Variants in ST7 observed in about 807,000 individuals in gnomAD.
The protein encoded by ST7 is suppressor of tumorigenicity 7 protein.
Under a neutral mutation model 78.7 loss-of-function variants are expected in ST7, and 28 were observed. That is an observed-to-expected ratio of 0.36 (90% CI 0.26 to 0.49). The LOEUF is 0.49. Ranked by LOEUF, ST7 falls within the 20% of genes least tolerant of loss-of-function variation. ST7 has a pLI of 0.99. For synonymous variants in ST7, 247 were observed against 249.6 expected (o/e 0.99, Z 0.10); for missense variants, 418 against 696.0 (o/e 0.60, Z 4.49).
At position 116,970,024 on chromosome 7, in the gene ST7, G is replaced by A. The variant is rs1323259305; in HGVS notation, c.151+16333G>A. On this transcript the variant is annotated intron_variant, in intron 1 of 15. Coordinates refer to ENST00000323984, the MANE Select transcript of ST7 (RefSeq NM_001369598.1). ...CAGGAGGCAGAGGTTGCAGTGAGCC[G>A]AGATCGCGCCATTGCACTCCAGCCT... 3.3e-5 allele frequency among the ~76,000 whole-genome samples: 5 copies of A among 152,112 alleles called. No individual in the cohort carries two copies. The East Asian group carries it at 7.7e-4, about 23-fold the overall frequency.
intron 1 of ST7, chr7:116,956,457 A>T (rs755370065): frequency 2.1e-6 from 1 of 471,058 alleles, no homozygotes; most frequent in Admixed American, 2.3e-5. Flanking sequence ...GATGAAGGCA[A>T]GTGTGTTCCT....
At chr7:117,096,193 C>A (rs1000780441) in intron 1 of ST7, among the ~76,000 whole-genome samples, 3 of 144,838 alleles carry the variant, frequency 2.1e-5, no homozygotes, top group African/African-American at 5.1e-5. Context: ...CATATGTTTT[C>A]AAAAATAATT....
chr7:117,023,435 A>G (rs531300270), intron 1 of ST7, among the ~76,000 whole-genome samples: 8 of 152,308 alleles, frequency 5.3e-5, no homozygotes, highest in African/African-American at 1.9e-4. Context: ...TGACTTAGTG[A>G]ATCTGAATCT....
intron 12 of ST7, among the ~76,000 whole-genome samples, chr7:117,202,804 G>T (rs539060200): frequency 3.3e-5 from 5 of 152,230 alleles, no homozygotes; most frequent in African/African-American, 1.2e-4. Context: ...ACCTCTCTTG[G>T]GTCCCTCCCT....
chr7:117,219,115 G>A lies in ST7; in HGVS notation c.1437G>A (p.Lys479=), dbSNP rs773363221. 1.2e-6 allele frequency: 2 copies of A among 1,613,518 alleles called. No individual in the cohort carries two copies. Among genetic ancestry groups the A allele is most frequent in the Non-Finnish European group, 1.7e-6 (2 of 1,179,798 alleles). Residue 479 remains lysine (K), a synonymous_variant, in exon 14 of 16, where the codon AAG becomes AAA. Coordinates refer to ENST00000323984, the MANE Select transcript of ST7 (RefSeq NM_001369598.1). This position sits in a 1 kb window ranked among gnomAD's most constrained non-coding sequence, Gnocchi z 5.1. ...GGATGATCCCTTATCCCTTGGAAAA[G>A]GGGCACCTATTTTATCCTTACCCAA... ...TFRMIPYPLE[K]GHLFYPYPIC...
Position 117,138,454 on chromosome 7 carries a change from G to A in ST7, c.885G>A (p.Leu295=), listed in dbSNP as rs1200700888. Residue 295 remains leucine (L), a synonymous_variant, in exon 9 of 16, where the codon TTG becomes TTA. Transcript: ENST00000323984. ...CTTCAGGACGAGACACCAATGTCTTGGTGTACATCAAAAGAAGGCTAGCAA... is the reference window on the plus strand; with the variant it reads ...CTTCAGGACGAGACACCAATGTCTTAGTGTACATCAAAAGAAGGCTAGCAA... ...EAQHRRDTNV[L]VYIKRRLAMC... 1 of 1,607,858 alleles carries A rather than the reference G, an allele frequency of 6.2e-7. No homozygotes were observed. The highest frequency in any genetic ancestry group is 1.3e-5 in the African/African-American group (1 of 74,716).
chr7:117,119,512 G>C, intron 2 of ST7, 49 bp from the exon 3 acceptor site: 1 of 1,565,936 alleles, frequency 6.4e-7, no homozygotes, highest in Non-Finnish European at 8.6e-7. Context: ...GTGTACAGAA[G>C]TCGTAAATGA....
At position 117,225,681 on chromosome 7, in the gene ST7, A is replaced by T. The variant is rs142889592; in HGVS notation, c.1638+3619A>T. On this transcript the variant is annotated intron_variant, in intron 15 of 15. Transcript: ENST00000323984. ...TGCAGCTTGTGAAAGTGATTTTCTC[A>T]GCCCTTTGCTGAGATAATGTCCCTG... Among the ~76,000 whole-genome samples, 661 of 152,274 alleles carry T rather than the reference A, an allele frequency of 4.3e-3. 5 individuals are homozygous for T. The highest frequency in any genetic ancestry group is 0.015 in the African/African-American group (625 of 41,556).
chr7:117,121,728 C>T (rs889145710), intron 3 of ST7, among the ~76,000 whole-genome samples: 10 of 152,102 alleles, frequency 6.6e-5, no homozygotes, highest in Non-Finnish European at 1.0e-4. Flanking sequence ...CACTTTGTCT[C>T]CTTCAATAGA....
intron 5 of ST7, 88 bp from the exon 6 acceptor site, chr7:117,131,797 G>A: frequency 8.6e-7 from 1 of 1,167,988 alleles, no homozygotes; most frequent in Non-Finnish European, 1.3e-6. Flanking sequence ...AATTTAAGCT[G>A]ACACTCCTAA....
At chr7:117,070,068 T>C (rs1026212524) in intron 1 of ST7, among the ~76,000 whole-genome samples, 2 of 152,252 alleles carry the variant, frequency 1.3e-5, no homozygotes, top group African/African-American at 4.8e-5. Flanking sequence ...GTACCTGCTT[T>C]GGAGAATCGT....
At chr7:117,158,590 A>G (rs1165044591) in intron 9 of ST7, among the ~76,000 whole-genome samples, 1 of 152,198 alleles carries the variant, frequency 6.6e-6, no homozygotes, top group Admixed American at 6.5e-5. Flanking sequence ...TATATTGACC[A>G]TATTACTTTT....
At chr7:117,019,565 A>G (rs1331770548) in intron 1 of ST7, among the ~76,000 whole-genome samples, 2 of 152,252 alleles carry the variant, frequency 1.3e-5, no homozygotes, top group Non-Finnish European at 2.9e-5. Context: ...CGATGAAGAA[A>G]TAGGAGAAAT....
chr7:117,060,485 T>G (rs1798294442), intron 1 of ST7, among the ~76,000 whole-genome samples: 1 of 152,162 alleles, frequency 6.6e-6, no homozygotes, highest in Admixed American at 6.5e-5. Flanking sequence ...ATGAAAAATA[T>G]GAAGACTAAA....
chr7:117,187,294 A>T (rs1809352651), intron 10 of ST7, among the ~76,000 whole-genome samples: 1 of 152,212 alleles, frequency 6.6e-6, no homozygotes, highest in Non-Finnish European at 1.5e-5. Context: ...CTAATGGGGA[A>T]TGGGGTATTT....
At chr7:117,081,899 G>C (rs1584600714) in intron 1 of ST7, among the ~76,000 whole-genome samples, 1 of 152,210 alleles carries the variant, frequency 6.6e-6, no homozygotes, top group Middle Eastern at 3.4e-3. Context: ...GATTGAGAGA[G>C]AGAGAGAGAG....
At chr7:117,208,386 C>T (rs375229920) in intron 12 of ST7, among the ~76,000 whole-genome samples, 89 of 152,242 alleles carry the variant, frequency 5.8e-4, no homozygotes, top group East Asian at 3.3e-3. Flanking sequence ...GTGTGACGAC[C>T]GTTATCAGTG....
At chr7:117,065,252 A>G (rs1798571940) in intron 1 of ST7, among the ~76,000 whole-genome samples, 1 of 131,460 alleles carries the variant, frequency 7.6e-6, no homozygotes, top group Non-Finnish European at 1.5e-5. Flanking sequence ...ACTATCGCCT[A>G]GGCTGGAGTG....
At chr7:117,156,436 C>T (rs1806692307) in intron 9 of ST7, among the ~76,000 whole-genome samples, 1 of 152,106 alleles carries the variant, frequency 6.6e-6, no homozygotes, top group African/African-American at 2.4e-5. Context: ...GGGCATTGTG[C>T]TTGTGTCATG....
Sources: gnomAD v4.1 joint callset for allele counts (sites outside exome capture counted in the v4.1 genomes callset) on GRCh38, gnomAD v4.1.1 for gene constraint, Gnocchi (gnomAD v3.1) non-coding constraint, MANE v1.5 for transcripts, NCBI Gene and HGNC (gene_info 2026-07-23, HGNC 2026-07-21) for gene names.